Variants in PKNOX1 observed in about 807,000 individuals in gnomAD.
PKNOX1 encodes homeobox protein PKNOX1.
Under a neutral mutation model 51.9 loss-of-function variants are expected in PKNOX1, and 15 were observed. That is an observed-to-expected ratio of 0.29 (90% CI 0.19 to 0.45). PKNOX1 has a LOEUF of 0.45. Among genes scored for constraint, PKNOX1 ranks in the 20% least tolerant of loss-of-function variants. PKNOX1 has a pLI of 1.00. For missense variants in PKNOX1, 462 were observed against 547.5 expected (o/e 0.84, Z 1.56); for synonymous variants, 219 against 211.1 (o/e 1.04, Z -0.32).
chr21:42,999,230 G>A (rs184975289), intron 1 of PKNOX1, among the ~76,000 whole-genome samples: 324 of 152,308 alleles, frequency 2.1e-3, no homozygotes, highest in Non-Finnish European at 3.8e-3. Context: ...TTTCAGCCAC[G>A]GCTGGAGCAG....
At chr21:43,002,469 C>T (rs1450839724) in intron 1 of PKNOX1, among the ~76,000 whole-genome samples, 1 of 150,728 alleles carries the variant, frequency 6.6e-6, no homozygotes, top group Non-Finnish European at 1.5e-5. Flanking sequence ...CCTCCTGTGC[C>T]CTTTGACTGC....
chr21:43,018,003 A>G (rs1396473360), intron 6 of PKNOX1, 130 bp from the exon 7 acceptor site: 17 of 597,502 alleles, frequency 2.8e-5, no homozygotes, highest in Non-Finnish European at 4.6e-5. Flanking sequence ...TGAAGCCAGG[A>G]GTTAGAGACC....
At position 43,018,221 on chromosome 21, in the gene PKNOX1, G is replaced by A. The variant is rs1413937967; in HGVS notation, c.711G>A (p.Gln237=). ...TGTCGCCTGGGACAATTAGGATCCA[G>A]AACTCCCAGGTGCGTGCGCCATTTT... The part of the protein sequence containing the change: ...QTLSPGTIRI[Q]NSQLQLQLNQ... The change falls in exon 7 of 11, where the codon CAG becomes CAA. Residue 237 remains glutamine (Q), a synonymous_variant. Coordinates refer to ENST00000291547, the MANE Select transcript of PKNOX1 (RefSeq NM_004571.5). 1.1e-5 allele frequency: 17 copies of A among 1,612,224 alleles called. No homozygotes were observed. The highest frequency in any genetic ancestry group is 1.6e-4 in the Middle Eastern group (1 of 6,082).
At chr21:43,013,265 C>T (rs780484005) in intron 5 of PKNOX1, 27 bp downstream of exon 5, 3 of 1,520,336 alleles carry the variant, frequency 2.0e-6, no homozygotes, top group Non-Finnish European at 2.7e-6. Context: ...GTCTCGCTTT[C>T]CCTCTCTGCC....
intron 1 of PKNOX1, among the ~76,000 whole-genome samples, chr21:42,990,855 C>G (rs968720535): frequency 2.0e-5 from 3 of 152,148 alleles, no homozygotes; most frequent in African/African-American, 4.8e-5. Flanking sequence ...AAGGTCTGTT[C>G]AGATTTCTCT....
At chr21:42,997,730 G>A (rs1254190650) in intron 1 of PKNOX1, among the ~76,000 whole-genome samples, 1 of 152,188 alleles carries the variant, frequency 6.6e-6, no homozygotes, top group East Asian at 1.9e-4. Flanking sequence ...CATCAGGAAG[G>A]CTTTCTGGAG....
chr21:43,024,996 T>G (rs1979929735), intron 9 of PKNOX1, 49 bp downstream of exon 9: 1 of 1,151,426 alleles, frequency 8.7e-7, no homozygotes, highest in African/African-American at 1.5e-5. Context: ...GGTAGAGCAC[T>G]TGGAAACCCT....
chr21:43,001,615 T>C (rs910504300), intron 1 of PKNOX1, among the ~76,000 whole-genome samples: 3 of 152,200 alleles, frequency 2.0e-5, no homozygotes, highest in Non-Finnish European at 2.9e-5. Flanking sequence ...CTGTTCTCTC[T>C]CTTCCTGAAT....
chr21:43,029,017 C>T, intron 10 of PKNOX1, 143 bp downstream of exon 10: 1 of 776,278 alleles, frequency 1.3e-6, no homozygotes, highest in South Asian at 1.5e-5. Flanking sequence ...GCAACTAAAA[C>T]ATGAGGAAGC....
chr21:43,032,391 T>G lies in PKNOX1; in HGVS notation c.*2290T>G. The stretch of plus-strand genomic sequence containing the variant: ...TGGAAGCCATTCACAGAATGTAGAC[T>G]CATGTATAGGTCACCGTTTCTTTCC... On this transcript the variant is annotated 3_prime_UTR_variant, in exon 11 of 11. Coordinates refer to ENST00000291547, the MANE Select transcript of PKNOX1 (RefSeq NM_004571.5). 3.0e-6 allele frequency: 1 copy of G among 336,128 alleles called. No individual in the cohort carries two copies. Among genetic ancestry groups the G allele is most frequent in the Middle Eastern group, 9.9e-4 (1 of 1,008 alleles). The allele number at this position is 336,128 out of a possible 1,614,324, so 20.8% of individuals were successfully genotyped here.
chr21:43,029,867 G>A (rs200170449), intron 10 of PKNOX1, 23 bp from the exon 11 acceptor site: 379 of 1,597,658 alleles, frequency 2.4e-4, no homozygotes, highest in Middle Eastern at 5.0e-4. Flanking sequence ...TTTAAATAAT[G>A]ACACACCTTC....
At chr21:43,011,032 C>T (rs1487917578) in intron 4 of PKNOX1, among the ~76,000 whole-genome samples, 2 of 149,798 alleles carry the variant, frequency 1.3e-5, no homozygotes, top group African/African-American at 4.9e-5. Flanking sequence ...GACATGGACA[C>T]AGACTTGAGC....
intron 1 of PKNOX1, among the ~76,000 whole-genome samples, chr21:42,979,106 G>T (rs866388940): frequency 6.6e-6 from 1 of 152,282 alleles, no homozygotes; most frequent in Middle Eastern, 3.4e-3. Flanking sequence ...TCATTATGTT[G>T]CCTCGGCTGT....
chr21:43,015,944 CCTTT>C (rs1979471573), intron 5 of PKNOX1, among the ~76,000 whole-genome samples: 1 of 151,922 alleles, frequency 6.6e-6, no homozygotes. Context: ...TTTATTATTT[CCTTT>C]CTTCTGCTTT....
At chr21:43,024,721 T>C in intron 8 of PKNOX1, 150 bp from the exon 9 acceptor site, 1 of 610,476 alleles carries the variant, frequency 1.6e-6, no homozygotes, top group South Asian at 2.0e-5. Context: ...AAACACTTTG[T>C]TCGTGAGACT....
rs1978948149 is a variant in PKNOX1 at position 43,005,524 on chromosome 21, T to G, written c.51+1092T>G. 2.2e-5 allele frequency among the ~76,000 whole-genome samples: 3 copies of G among 134,214 alleles called. No homozygotes were observed. The South Asian group carries it at 7.6e-4, about 34-fold the overall frequency. The allele number at this position is 134,214 out of a possible 152,430, so 88.0% of individuals were successfully genotyped here. A position where few individuals can be genotyped will look rare whatever the true frequency, so the allele number is the denominator to read the frequency against. On this transcript the variant is annotated intron_variant, in intron 2 of 10. Coordinates refer to ENST00000291547, the MANE Select transcript of PKNOX1 (RefSeq NM_004571.5). ...CTAGAAGTCCTTAGTCCTTTGGTAT[T>G]TCCAATTGACTTTTTTTTTTTTTTC...
intron 1 of PKNOX1, among the ~76,000 whole-genome samples, chr21:42,976,558 C>A (rs991761035): frequency 1.7e-4 from 26 of 152,244 alleles, no homozygotes; most frequent in African/African-American, 5.8e-4. Flanking sequence ...TCTGCCACTG[C>A]TATCCACTAA....
intron 1 of PKNOX1, among the ~76,000 whole-genome samples, chr21:42,986,798 G>T (rs2059054395): frequency 6.6e-6 from 1 of 152,162 alleles, no homozygotes; most frequent in African/African-American, 2.4e-5. Flanking sequence ...CTGTTGTGTT[G>T]TCTTCAGTCG....
chr21:43,003,208 C>G (rs1457167924), intron 1 of PKNOX1, among the ~76,000 whole-genome samples: 1 of 152,214 alleles, frequency 6.6e-6, no homozygotes, highest in African/African-American at 2.4e-5. Context: ...CAGGGCAGCC[C>G]AGACTCTAAA....
Sources: allele counts gnomAD v4.1 joint callset (sites outside exome capture counted in the v4.1 genomes callset), GRCh38; gene constraint gnomAD v4.1.1; transcripts MANE v1.5; gene names NCBI Gene and HGNC (gene_info 2026-07-23, HGNC 2026-07-21).